Variants in CPQ observed in about 807,000 individuals in gnomAD.
The protein encoded by CPQ is carboxypeptidase Q, also known as Ser-Met dipeptidase.
Under a neutral mutation model 45.7 loss-of-function variants are expected in CPQ, and 37 were observed. That is an observed-to-expected ratio of 0.81 (90% CI 0.62 to 1.07). CPQ has a LOEUF of 1.07. Ranked by LOEUF, CPQ falls within the 50% of genes least tolerant of loss-of-function variation. The pLI is 0.00. For missense variants in CPQ, 537 were observed against 572.9 expected (o/e 0.94, Z 0.64); for synonymous variants, 186 against 205.8 (o/e 0.90, Z 0.82).
chr8:96,819,747 TG>T (rs1811276669), intron 2 of CPQ, among the ~76,000 whole-genome samples: 1 of 152,098 alleles, frequency 6.6e-6, no homozygotes, highest in African/African-American at 2.4e-5. Flanking sequence ...TGCTCTTCAT[TG>T]GTCAGCTTTT....
intron 5 of CPQ, among the ~76,000 whole-genome samples, chr8:96,967,125 CTT>C (rs1482449214): frequency 1.3e-5 from 2 of 152,218 alleles, no homozygotes; most frequent in Non-Finnish European, 2.9e-5. Context: ...TTGGCTATCT[CTT>C]CTTTCTGTTT....
intron 1 of CPQ, among the ~76,000 whole-genome samples, chr8:96,710,201 A>AT (rs151118950): frequency 0.096 from 14,487 of 151,582 alleles, 1,129 homozygotes; most frequent in African/African-American, 0.22. Context: ...TAGTCTCGAA[A>AT]TTTTTTTTGT....
At chr8:96,906,890 A>G (rs1320875892) in intron 4 of CPQ, among the ~76,000 whole-genome samples, 1 of 152,154 alleles carries the variant, frequency 6.6e-6, no homozygotes, top group Non-Finnish European at 1.5e-5. Context: ...AGAAAGTCAA[A>G]CAATAGATTT....
Position 97,085,254 on chromosome 8 carries a change from C to T in CPQ, c.1255+19044C>T, listed in dbSNP as rs139890808. 3.7e-3 allele frequency among the ~76,000 whole-genome samples: 564 copies of T among 152,054 alleles called. 2 individuals carry two copies. The highest frequency in any genetic ancestry group is 6.5e-3 in the Non-Finnish European group (445 of 67,982). On this transcript the variant is annotated intron_variant, in intron 7 of 7. Transcript: ENST00000220763. ...TAAAAATTAGCCAGGCGCAGTGGTGCATTCCTGTAGTTCTAACTACTTGGG... is the reference window on the plus strand; with the variant it reads ...TAAAAATTAGCCAGGCGCAGTGGTGTATTCCTGTAGTTCTAACTACTTGGG...
At chr8:96,883,356 T>C (rs1812255471) in intron 4 of CPQ, among the ~76,000 whole-genome samples, 1 of 152,202 alleles carries the variant, frequency 6.6e-6, no homozygotes, top group South Asian at 2.1e-4. Context: ...GATGCTTCAC[T>C]CTGTATTTTG....
At chr8:96,914,062 G>A (rs898143194) in intron 4 of CPQ, among the ~76,000 whole-genome samples, 19 of 152,086 alleles carry the variant, frequency 1.2e-4, no homozygotes, top group African/African-American at 4.3e-4. Context: ...ATTTTTTTCA[G>A]TAGACAAAAT....
At chr8:97,096,054 GGATGATGATGAT>G (rs59275267) in intron 7 of CPQ, among the ~76,000 whole-genome samples, 2 of 151,398 alleles carry the variant, frequency 1.3e-5, no homozygotes, top group Non-Finnish European at 2.9e-5. Flanking sequence ...GTTGTGGTGG[GGATGATGATGAT>G]GATGATGATG....
intron 1 of CPQ, among the ~76,000 whole-genome samples, chr8:96,649,520 A>G (rs1236852558): frequency 1.3e-5 from 2 of 152,192 alleles, no homozygotes; most frequent in African/African-American, 2.4e-5. Flanking sequence ...TGGATATGGG[A>G]AATATGTTTG....
chr8:97,136,059 G>A (rs1361543859), intron 7 of CPQ, among the ~76,000 whole-genome samples: 1 of 152,178 alleles, frequency 6.6e-6, no homozygotes, highest in Non-Finnish European at 1.5e-5. Context: ...AGAGCACCCT[G>A]TGAAGGCTGA....
At chr8:96,843,844 T>G (rs1771513110) in intron 3 of CPQ, among the ~76,000 whole-genome samples, 1 of 152,374 alleles carries the variant, frequency 6.6e-6, no homozygotes, top group East Asian at 1.9e-4. Context: ...TATATAGTTA[T>G]GTAAATTTCG....
intron 1 of CPQ, among the ~76,000 whole-genome samples, chr8:96,760,289 A>C (rs551433705): frequency 6.6e-6 from 1 of 152,338 alleles, no homozygotes; most frequent in South Asian, 2.1e-4. Context: ...CTATATGCCC[A>C]GTGGCCATTA....
At chr8:96,680,220 C>T (rs1809131175) in intron 1 of CPQ, among the ~76,000 whole-genome samples, 1 of 152,092 alleles carries the variant, frequency 6.6e-6, no homozygotes, top group Non-Finnish European at 1.5e-5. Flanking sequence ...TATATTTGTA[C>T]AGTTTCCAAA....
chr8:97,134,739 T>C (rs1333209208), intron 7 of CPQ, among the ~76,000 whole-genome samples: 1 of 152,004 alleles, frequency 6.6e-6, no homozygotes, highest in African/African-American at 2.4e-5. Context: ...GACACCTGGG[T>C]TTGAATTCTA....
At chr8:96,897,221 TTAAC>T (rs1812453885) in intron 4 of CPQ, among the ~76,000 whole-genome samples, 1 of 152,198 alleles carries the variant, frequency 6.6e-6, no homozygotes, top group African/African-American at 2.4e-5. Context: ...ACGTAGCAGA[TTAAC>T]TAATTTTGAA....
chr8:97,029,609 C>T (rs1586503075), intron 6 of CPQ, 115 bp downstream of exon 6: 1 of 882,026 alleles, frequency 1.1e-6, no homozygotes, highest in Non-Finnish European at 1.8e-6. Flanking sequence ...CTAGGAAACA[C>T]CCTTGTATGA....
At chr8:97,013,716 A>G (rs1809530926) in intron 5 of CPQ, among the ~76,000 whole-genome samples, 2 of 152,176 alleles carry the variant, frequency 1.3e-5, no homozygotes, top group Non-Finnish European at 2.9e-5. Flanking sequence ...GCTTTTGGAA[A>G]AGGGAGTAGT....
At chr8:96,850,898 C>G (rs182210950) in intron 3 of CPQ, among the ~76,000 whole-genome samples, 153 of 152,296 alleles carry the variant, frequency 1.0e-3, no homozygotes, top group African/African-American at 3.4e-3. Flanking sequence ...GCCACTGCAC[C>G]TGGCCGCTTT....
At chr8:96,720,127 A>G (rs986888122) in intron 1 of CPQ, among the ~76,000 whole-genome samples, 9 of 152,206 alleles carry the variant, frequency 5.9e-5, no homozygotes, top group South Asian at 2.1e-4. Flanking sequence ...TTGGAAAAAA[A>G]TGTACATATA....
chr8:96,923,738 T>A (rs1040249533), intron 4 of CPQ, among the ~76,000 whole-genome samples: 1 of 152,118 alleles, frequency 6.6e-6, no homozygotes, highest in Admixed American at 6.5e-5. Flanking sequence ...AATAAGGAAT[T>A]GGGAGCAAGT....
Sources: gnomAD v4.1 joint callset for allele counts (sites outside exome capture counted in the v4.1 genomes callset) on GRCh38, gnomAD v4.1.1 for gene constraint, MANE v1.5 for transcripts, NCBI Gene and HGNC (gene_info 2026-07-23, HGNC 2026-07-21) for gene names.